TCF20: variants seen among roughly 807,000 people sequenced by gnomAD.
TCF20 encodes transcription factor 20.
Under a neutral mutation model 148.6 loss-of-function variants are expected in TCF20, and 3 were observed. That is an observed-to-expected ratio of 0.02 (90% CI 0.01 to 0.05). The LOEUF (loss-of-function observed/expected upper bound fraction) is 0.05. Among genes scored for constraint, TCF20 ranks in the 10% least tolerant of loss-of-function variants. The pLI, the probability that TCF20 is intolerant of heterozygous loss-of-function variation, is 1.00. For synonymous variants in TCF20, 1,049 were observed against 909.5 expected (o/e 1.15, Z -2.76); for missense variants, 2,350 against 2,429.3 (o/e 0.97, Z 0.69).
intron 1 of TCF20, among the ~76,000 whole-genome samples, chr22:42,291,467 C>T (rs1470990597): frequency 6.6e-6 from 1 of 152,174 alleles, no homozygotes; most frequent in Non-Finnish European, 1.5e-5. Flanking sequence ...GGTCATAGGC[C>T]TCAGGGCTGC....
chr22:42,339,226 A>G (rs1928121830), intron 1 of TCF20, among the ~76,000 whole-genome samples: 1 of 152,204 alleles, frequency 6.6e-6, no homozygotes, highest in African/African-American at 2.4e-5. Flanking sequence ...GGTCACTGCA[A>G]TCTACACTGT....
chr22:42,321,789 A>T (rs780297162), intron 1 of TCF20, among the ~76,000 whole-genome samples: 2 of 151,588 alleles, frequency 1.3e-5, no homozygotes, highest in Non-Finnish European at 3.0e-5. Context: ...ACTTCCAAAA[A>T]TACAAAAATT....
At chr22:42,182,900 C>T (rs796708376) in intron 2 of TCF20, among the ~76,000 whole-genome samples, 8 of 152,204 alleles carry the variant, frequency 5.3e-5, no homozygotes, top group African/African-American at 1.9e-4. Flanking sequence ...CCACACCTGG[C>T]AACTTTTTGT....
chr22:42,280,260 C>G (rs1926871259), intron 1 of TCF20, among the ~76,000 whole-genome samples: 1 of 152,208 alleles, frequency 6.6e-6, no homozygotes, highest in Non-Finnish European at 1.5e-5. Context: ...CCTCACACAG[C>G]TAGGGAAATC....
At chr22:42,271,348 C>T (rs1451535163), upstream of TCF20, among the ~76,000 whole-genome samples, 2 of 152,256 alleles carry the variant, frequency 1.3e-5, no homozygotes, top group African/African-American at 4.8e-5. Flanking sequence ...CATTAAGAAG[C>T]TGCAATGCCA....
upstream of TCF20, among the ~76,000 whole-genome samples, chr22:42,273,061 T>TG (rs2147007836): frequency 6.6e-6 from 1 of 152,138 alleles, no homozygotes; most frequent in East Asian, 1.9e-4. Context: ...GTTGTGGGAC[T>TG]CTCAAGAGAG....
chr22:42,301,528 A>G (rs893512067), intron 1 of TCF20, among the ~76,000 whole-genome samples: 4 of 152,218 alleles, frequency 2.6e-5, no homozygotes, highest in African/African-American at 9.7e-5. Flanking sequence ...TGGCATGCAC[A>G]CAGGCCCAGA....
chr22:42,332,680 C>G (rs928783921), intron 1 of TCF20, among the ~76,000 whole-genome samples: 2 of 152,130 alleles, frequency 1.3e-5, no homozygotes, highest in African/African-American at 4.8e-5. Context: ...ATTGGCCAGG[C>G]TGGTCTCAAA....
Position 42,212,476 on chromosome 22 carries a change from T to C in TCF20, c.2830A>G (p.Asn944Asp). 6.2e-7 allele frequency: 1 copy of C among 1,614,226 alleles called. No homozygotes were observed. The highest frequency in any genetic ancestry group is 8.5e-7 in the Non-Finnish European group (1 of 1,180,038). Residue 944 changes from asparagine to aspartate, a missense_variant, in exon 2 of 6, where the codon AAC (asparagine) becomes GAC (aspartate). Physicochemically the swap from Asn to Asp is conservative, Grantham distance 23. Transcript: ENST00000677622. Reference protein sequence around the residue: ...EQSKSQASFNNKKSGDHCHPP... With the variant: ...EQSKSQASFNDKKSGDHCHPP... The stretch of plus-strand genomic sequence containing the variant: ...TGGCAGTGGTCTCCAGATTTCTTGT[T>C]GTTGAAACTAGCTTGAGATTTAGAC...
upstream of TCF20, among the ~76,000 whole-genome samples, chr22:42,272,066 T>TG (rs1926641237): frequency 6.6e-6 from 1 of 152,242 alleles, no homozygotes; most frequent in Admixed American, 6.5e-5. Context: ...TCTCACAAAG[T>TG]GGGGGCTGGC....
chr22:42,337,015 A>G (rs79463777), intron 1 of TCF20, among the ~76,000 whole-genome samples: 5,456 of 152,290 alleles, frequency 0.036, 320 homozygotes, highest in East Asian at 0.3. Context: ...CTGTGCGTGA[A>G]GAGTCACTGC....
At chr22:42,265,202 G>T (rs1339190852) in intron 1 of TCF20, among the ~76,000 whole-genome samples, 4 of 152,202 alleles carry the variant, frequency 2.6e-5, no homozygotes, top group Admixed American at 6.5e-5. Flanking sequence ...TGTACCAAGG[G>T]TATTACAGGA....
At chr22:42,314,536 A>G (rs1164703524) in intron 1 of TCF20, among the ~76,000 whole-genome samples, 1 of 152,136 alleles carries the variant, frequency 6.6e-6, no homozygotes, top group Non-Finnish European at 1.5e-5. Context: ...TGCTTCCCAG[A>G]GCCGGGGAGC....
intron 1 of TCF20, among the ~76,000 whole-genome samples, chr22:42,216,498 CTG>C (rs1329999408): frequency 2.0e-5 from 3 of 152,174 alleles, no homozygotes; most frequent in Admixed American, 6.5e-5. Context: ...TGGCATATGA[CTG>C]TGTCTACAGC....
chr22:42,269,055 C>A (rs1926446190), intron 1 of TCF20, among the ~76,000 whole-genome samples: 1 of 152,200 alleles, frequency 6.6e-6, no homozygotes, highest in African/African-American at 2.4e-5. Context: ...GTAACTTGCC[C>A]TGGGCTGCAG....
At chr22:42,273,823 TACAA>T (rs1926707875), upstream of TCF20, 1 of 152,572 alleles carries the variant, frequency 6.6e-6, no homozygotes, top group African/African-American at 2.4e-5. Flanking sequence ...CTCCTTTTAT[TACAA>T]ACTCCTCTGC....
At chr22:42,252,682 C>T (rs1056930895) in intron 1 of TCF20, among the ~76,000 whole-genome samples, 1 of 152,164 alleles carries the variant, frequency 6.6e-6, no homozygotes, top group Non-Finnish European at 1.5e-5. Flanking sequence ...ATTTCCTGAC[C>T]TCATGATCCG....
At chr22:42,255,506 C>T (rs1040187389) in intron 1 of TCF20, among the ~76,000 whole-genome samples, 1 of 150,500 alleles carries the variant, frequency 6.6e-6, no homozygotes, top group African/African-American at 2.5e-5. Flanking sequence ...ACAACAACAA[C>T]AACAACAACA....
chr22:42,227,939 C>T (rs959478290), intron 1 of TCF20, among the ~76,000 whole-genome samples: 3 of 152,322 alleles, frequency 2.0e-5, no homozygotes, highest in South Asian at 4.1e-4. Context: ...CACAGACCTA[C>T]AGGATCAGAT....
Sources: allele counts gnomAD v4.1 joint callset (sites outside exome capture counted in the v4.1 genomes callset), GRCh38; gene constraint gnomAD v4.1.1; transcripts MANE v1.5; gene names NCBI Gene and HGNC (gene_info 2026-07-23, HGNC 2026-07-21).